The following MEGF11 variants were observed in gnomAD, a reference collection of about 807,000 sequenced individuals.
MEGF11 encodes multiple EGF like domains 11.
In MEGF11, 126 loss-of-function variants were observed where a neutral mutation model predicts 146.6. That is an observed-to-expected ratio of 0.86 (90% CI 0.74 to 1.00). The LOEUF is 1.00. MEGF11 is among the 50% of genes least tolerant of loss of function. The pLI is 0.00. For synonymous variants in MEGF11, 532 were observed against 583.4 expected (o/e 0.91, Z 1.27); for missense variants, 1,509 against 1,521.2 (o/e 0.99, Z 0.13).
chr15:66,215,768 G>T (rs189504343), intron 1 of MEGF11, among the ~76,000 whole-genome samples: 8 of 152,308 alleles, frequency 5.3e-5, no homozygotes, highest in African/African-American at 1.7e-4. Flanking sequence ...CCAGGCCACA[G>T]TCTCCACCTC....
At chr15:66,124,379 T>A (rs1316108746) in intron 2 of MEGF11, among the ~76,000 whole-genome samples, 1 of 152,232 alleles carries the variant, frequency 6.6e-6, no homozygotes, top group African/African-American at 2.4e-5. Flanking sequence ...TCAAAGAACA[T>A]GCTTGGAAGC....
At chr15:66,143,223 C>T (rs574590379) in intron 1 of MEGF11, among the ~76,000 whole-genome samples, 7 of 152,284 alleles carry the variant, frequency 4.6e-5, no homozygotes, top group East Asian at 3.9e-4. Context: ...AGAGACTTGC[C>T]GAAGGTCACA....
At chr15:66,033,195 A>G (rs2083598741) in intron 5 of MEGF11, among the ~76,000 whole-genome samples, 1 of 152,162 alleles carries the variant, frequency 6.6e-6, no homozygotes, top group African/African-American at 2.4e-5. Flanking sequence ...AGGTGTGGCC[A>G]AGAGATTGTT....
At chr15:66,174,597 AAT>A (rs1286334866) in intron 1 of MEGF11, among the ~76,000 whole-genome samples, 1 of 151,658 alleles carries the variant, frequency 6.6e-6, no homozygotes, top group Non-Finnish European at 1.5e-5. Flanking sequence ...AGTGGCCTTT[AAT>A]CCTGGTACTG....
At chr15:66,128,228 T>C (rs1225937885) in intron 2 of MEGF11, 78 bp downstream of exon 2, 5 of 939,804 alleles carry the variant, frequency 5.3e-6, no homozygotes, top group Non-Finnish European at 7.5e-6. Flanking sequence ...CTGGATCTCC[T>C]GACTGCCTCT....
rs560326006 is a variant in MEGF11 at position 66,037,159 on chromosome 15, G to A, written c.395-54671C>T. The stretch of plus-strand genomic sequence containing the variant: ...GCCTCAGTGATGCTGGGAGGGTGAT[G>A]GGGAAACAGTCCTCGCAGCATCCAG... On this transcript the variant is annotated intron_variant, in intron 5 of 25. Transcript: ENST00000395614. Among the ~76,000 whole-genome samples the A allele has an allele frequency of 1.3e-4, 20 of 152,302 alleles. No homozygotes were observed. The East Asian group carries it at 3.9e-3, about 29-fold the overall frequency.
In MEGF11 at chr15:66,128,702, C is replaced by T. The variant is rs531450326; in HGVS notation, c.-8-291G>A. On this transcript the variant is annotated intron_variant, in intron 1 of 25. Coordinates refer to ENST00000395614, the MANE Select transcript of MEGF11 (RefSeq NM_001385028.1). ...AGGAAAATGCCCACAAGTGCAAAAT[C>T]GGCTATAATTGCAGGGTGTCCTCAG... Among the ~76,000 whole-genome samples the T allele has an allele frequency of 1.4e-3, 214 of 152,192 alleles. 6 individuals carry two copies. In the South Asian group the frequency reaches 0.042, roughly 30 times the overall value.
chr15:66,095,797 C>T (rs2086521843), intron 4 of MEGF11, among the ~76,000 whole-genome samples: 1 of 152,198 alleles, frequency 6.6e-6, no homozygotes, highest in African/African-American at 2.4e-5. Context: ...GTACCTGGGT[C>T]CTTCTGATTG....
At chr15:65,990,716 A>AAAGGAAGG (rs2082016198) in intron 5 of MEGF11, among the ~76,000 whole-genome samples, 1 of 11,762 alleles carries the variant, frequency 8.5e-5, no homozygotes, top group African/African-American at 1.0e-4. Flanking sequence ...AGGAAGGAAG[A>AAAGGAAGG]AAGAAAGAAA....
chr15:66,084,179 C>T (rs374499857), intron 5 of MEGF11, among the ~76,000 whole-genome samples: 21 of 152,010 alleles, frequency 1.4e-4, no homozygotes, highest in Non-Finnish European at 2.6e-4. Context: ...GGTCAGTCAC[C>T]GACACAAACA....
chr15:65,904,098 A>C (rs141281204), intron 24 of MEGF11, among the ~76,000 whole-genome samples: 289 of 152,360 alleles, frequency 1.9e-3, no homozygotes, highest in African/African-American at 6.6e-3. Flanking sequence ...ATGATTGCGA[A>C]TCTGAAAGTA....
At chr15:66,128,433 G>A in intron 1 of MEGF11, 22 bp from the exon 2 acceptor site, 1 of 1,382,532 alleles carries the variant, frequency 7.2e-7, no homozygotes, top group Non-Finnish European at 9.5e-7. Context: ...AACAAAGGAG[G>A]CTGCGTCTGT....
intron 1 of MEGF11, among the ~76,000 whole-genome samples, chr15:66,185,193 G>A (rs1265743925): frequency 6.6e-6 from 1 of 152,042 alleles, no homozygotes; most frequent in African/African-American, 2.4e-5. Context: ...GGGGACGGCA[G>A]CTCATTTACA....
intron 23 of MEGF11, among the ~76,000 whole-genome samples, chr15:65,908,732 G>T (rs948331201): frequency 3.3e-5 from 5 of 152,312 alleles, no homozygotes; most frequent in Non-Finnish European, 1.5e-5. Context: ...TTTTTGAAAG[G>T]TGTAGGATTG....
intron 10 of MEGF11, among the ~76,000 whole-genome samples, chr15:65,953,806 G>A (rs188956296): frequency 8.5e-5 from 13 of 152,194 alleles, no homozygotes; most frequent in South Asian, 2.1e-4. Context: ...CTGTGCTCTC[G>A]GGGGTGGAGA....
In MEGF11 at chr15:66,124,086, T is replaced by C. The variant is rs556101986; in HGVS notation, c.99-86A>G. 9.2e-6 allele frequency: 10 copies of C among 1,089,518 alleles called. No individual in the cohort carries two copies. The East Asian group carries it at 1.9e-4, about 21-fold the overall frequency. 67.5% of individuals were successfully genotyped at this position (1,089,518 alleles called of 1,614,324 possible). A position where few individuals can be genotyped will look rare whatever the true frequency, so the allele number is the denominator to read the frequency against. Reference sequence around the variant, plus strand: ...CGCAGGGCATCTGAGCCCACAGCCCTGAGGCCAAGCTCCACAGCCAAGTGT... The same window carrying C: ...CGCAGGGCATCTGAGCCCACAGCCCCGAGGCCAAGCTCCACAGCCAAGTGT... On this transcript the variant is annotated intron_variant, in intron 2 of 25. Transcript: ENST00000395614.
chr15:65,933,271 A>G (rs546250714), intron 10 of MEGF11, among the ~76,000 whole-genome samples: 1 of 152,348 alleles, frequency 6.6e-6, no homozygotes, highest in East Asian at 1.9e-4. Flanking sequence ...AATAGCACAT[A>G]AGAATCTGAC....
chr15:65,922,308 C>T (rs1179473632), intron 15 of MEGF11, 30 bp downstream of exon 15: 6 of 1,601,530 alleles, frequency 3.7e-6, no homozygotes, highest in Admixed American at 1.7e-5. Flanking sequence ...CTCACCTCCC[C>T]ACCCAGTACC....
intron 5 of MEGF11, among the ~76,000 whole-genome samples, chr15:66,084,841 C>T (rs553120504): frequency 1.6e-4 from 25 of 152,290 alleles, no homozygotes; most frequent in African/African-American, 6.0e-4. Flanking sequence ...GGAGACCTCA[C>T]AAGCAAGGGA....
Sources: gnomAD v4.1 joint callset for allele counts (sites outside exome capture counted in the v4.1 genomes callset) on GRCh38, gnomAD v4.1.1 for gene constraint, MANE v1.5 for transcripts, NCBI Gene and HGNC (gene_info 2026-07-23, HGNC 2026-07-21) for gene names.